Variants in CSF3R observed in about 807,000 individuals in gnomAD.
CSF3R encodes granulocyte colony-stimulating factor receptor.
Under a neutral mutation model 84.4 loss-of-function variants are expected in CSF3R, and 52 were observed. That is an observed-to-expected ratio of 0.62 (90% CI 0.49 to 0.78). The LOEUF (loss-of-function observed/expected upper bound fraction) is 0.78, where lower values mean the gene tolerates loss of function less well. Ranked by LOEUF, CSF3R falls within the 30% of genes least tolerant of loss-of-function variation. The pLI is 0.00. For missense variants in CSF3R, 890 were observed against 1,055.7 expected (o/e 0.84, Z 2.17); for synonymous variants, 384 against 429.1 (o/e 0.89, Z 1.30).
At position 36,467,653 on chromosome 1, in the gene CSF3R, T is replaced by C. The variant is rs1650415378; in HGVS notation, c.1865-2A>G. 1.2e-6 allele frequency: 2 copies of C among 1,613,964 alleles called. No individual in the cohort carries two copies. The highest frequency in any genetic ancestry group is 1.3e-5 in the African/African-American group (1 of 74,910). On this transcript the variant is annotated splice_acceptor_variant, in intron 14 of 16. Transcript: ENST00000373106. LOFTEE classifies it high-confidence loss of function. This position sits in a 1 kb window ranked among gnomAD's most constrained non-coding sequence, Gnocchi z 4.1. ...GGATGATGTGTAGCTCCGACCCCTC[T>C]GCAGTGAGGGCAGGGCCGGAAGAAG...
In CSF3R at chr1:36,482,212, C is replaced by T. The variant is rs3917915; in HGVS notation, c.-81+599G>A. On this transcript the variant is annotated intron_variant, in intron 1 of 16. Coordinates refer to ENST00000373106, the MANE Select transcript of CSF3R (RefSeq NM_000760.4). Reference sequence around the variant, plus strand: ...TGACTGAAATCCACACAGACTGAAACGACAGAGAGACTCGCCAAGAGGACG... The same window carrying T: ...TGACTGAAATCCACACAGACTGAAATGACAGAGAGACTCGCCAAGAGGACG... Among the ~76,000 whole-genome samples, 358 of 150,908 alleles carry T rather than the reference C, an allele frequency of 2.4e-3. 2 individuals are homozygous for T. In the Middle Eastern group the frequency reaches 0.027, roughly 12 times the overall value.
intron 12 of CSF3R, 113 bp downstream of exon 12, chr1:36,469,043 C>A: frequency 1.3e-6 from 1 of 792,476 alleles, no homozygotes; most frequent in South Asian, 1.5e-5. Context: ...CTCTCCAGGG[C>A]TGGAAGTATG....
chr1:36,469,038 C>T, intron 12 of CSF3R, 118 bp downstream of exon 12: 1 of 774,360 alleles, frequency 1.3e-6, no homozygotes, highest in Non-Finnish European at 2.3e-6. Context: ...AGATCCTCTC[C>T]AGGGCTGGAA....
At chr1:36,471,718 G>C in intron 9 of CSF3R, 72 bp from the exon 10 acceptor site, 5 of 1,498,534 alleles carry the variant, frequency 3.3e-6, no homozygotes, top group Non-Finnish European at 4.6e-6. Flanking sequence ...CTCTAGGTGG[G>C]GTGGATGGAT....
chr1:36,479,882 T>C, intron 2 of CSF3R: 1 of 348,482 alleles, frequency 2.9e-6, no homozygotes, highest in South Asian at 2.3e-5. Context: ...AATTGCATGC[T>C]GGTAGTTTAT....
intron 11 of CSF3R, 48 bp from the exon 12 acceptor site, chr1:36,469,305 G>A: frequency 7.0e-7 from 1 of 1,431,682 alleles, no homozygotes; most frequent in Non-Finnish European, 9.9e-7. Context: ...CCTAACCTGT[G>A]CTAATGATCA....
intron 11 of CSF3R, among the ~76,000 whole-genome samples, 168 bp from the exon 12 acceptor site, chr1:36,469,425 AAG>A (rs1196781863): frequency 1.3e-5 from 2 of 152,194 alleles, no homozygotes; most frequent in East Asian, 3.9e-4. Context: ...AGAAAAGTGG[AAG>A]AGAGAGCTAG....
intron 12 of CSF3R, 100 bp from the exon 13 acceptor site, chr1:36,468,321 A>G: frequency 7.7e-7 from 1 of 1,304,596 alleles, no homozygotes; most frequent in East Asian, 2.4e-5. Context: ...GTGGGTGAGA[A>G]AAGAGTCCAA....
chr1:36,472,369 G>C lies in CSF3R; in HGVS notation c.866C>G (p.Ala289Gly), dbSNP rs1557593324. ...GAGCCCGCAGAGCTCATACTGAAGG[G>C]CCTCCAAGGGGAGGGGGCCCACCTG... ...WALVGPLPLEALQYELCGLLP... is the reference protein window; with the variant it reads ...WALVGPLPLEGLQYELCGLLP... The change falls in exon 8 of 17, where the codon GCC (alanine) becomes GGC (glycine). Residue 289 changes from alanine (A) to glycine (G), a missense_variant. Physicochemically the swap from Ala to Gly is moderately conservative, Grantham distance 60. Coordinates refer to ENST00000373106, the MANE Select transcript of CSF3R (RefSeq NM_000760.4). The surrounding 1 kb of genome is among the most constrained non-coding windows in gnomAD (Gnocchi z 5.0). The C allele has an allele frequency of 1.2e-6, 2 of 1,613,974 alleles. No homozygotes were observed. Among genetic ancestry groups the C allele is most frequent in the Non-Finnish European group, 1.7e-6 (2 of 1,180,026 alleles).
rs181280930 is a variant in CSF3R, at chr1:36,472,830, T to C, written c.674-144A>G. 8 of 1,005,398 alleles carry C rather than the reference T, an allele frequency of 8.0e-6. No individual in the cohort carries two copies. In the African/African-American group the frequency reaches 1.3e-4, roughly 16 times the overall value. 62.3% of individuals were successfully genotyped at this position (1,005,398 alleles called of 1,614,324 possible). A position where few individuals can be genotyped will look rare whatever the true frequency, so the allele number is the denominator to read the frequency against. On this transcript the variant is annotated intron_variant, in intron 6 of 16. Coordinates refer to ENST00000373106, the MANE Select transcript of CSF3R (RefSeq NM_000760.4). The surrounding 1 kb of genome is among the most constrained non-coding windows in gnomAD (Gnocchi z 5.0). Reference sequence around the variant, plus strand: ...TCTGTGGTTCGATCTCTATGTGTCTTTGTTTCTCTCTAGGTCTCTGTTTCC... The same window carrying C: ...TCTGTGGTTCGATCTCTATGTGTCTCTGTTTCTCTCTAGGTCTCTGTTTCC...
In CSF3R at chr1:36,466,857, G is replaced by A. The variant is rs3918021; in HGVS notation, c.2041-30C>T. ...ACACAAGGATGTGGGGTGAGAGCAC[G>A]GCTCATTTCAGATGTCTGCCCCAGC... On this transcript the variant is annotated intron_variant, in intron 16 of 16. Coordinates refer to ENST00000373106, the MANE Select transcript of CSF3R (RefSeq NM_000760.4). This position sits in a 1 kb window ranked among gnomAD's most constrained non-coding sequence, Gnocchi z 4.6. 6,132 of 1,614,136 alleles carry A rather than the reference G, an allele frequency of 3.8e-3. 13 individuals are homozygous for A. The highest frequency in any genetic ancestry group is 4.9e-3 in the Non-Finnish European group (5,837 of 1,180,024).
chr1:36,466,798 C>T lies in CSF3R; in HGVS notation c.2070G>A (p.Thr690=), dbSNP rs761286829. 15 of 1,614,066 alleles carry T rather than the reference C, an allele frequency of 9.3e-6. No homozygotes were observed. Among genetic ancestry groups the T allele is most frequent in the African/African-American group, 2.7e-5 (2 of 74,934 alleles). ...GCACTGTGAGCTTGGTGATGGGTGG[C>T]GTGCCAAGGCCGGGCAGCTGGAAGG... ...EDAFQLPGLG[T]PPITKLTVLE... is the part of the protein sequence containing the mutation. The change falls in exon 17 of 17, where the codon ACG becomes ACA. Residue 690 remains threonine (T), a synonymous_variant. Transcript: ENST00000373106. This position sits in a 1 kb window ranked among gnomAD's most constrained non-coding sequence, Gnocchi z 4.6.
rs1650303555 is a variant in CSF3R at position 36,466,293 on chromosome 1, C to A, written c.*64G>T. 6.2e-7 allele frequency: 1 copy of A among 1,611,482 alleles called. No individual in the cohort carries two copies. Among genetic ancestry groups the A allele is most frequent in the Non-Finnish European group, 8.5e-7 (1 of 1,179,370 alleles). ...TTTTAGTCATGGGCTTATGGACCCT[C>A]CCCTCTTCTCCAGCTAGCTCAGGCC... is the stretch of plus-strand genomic sequence containing the variant. On this transcript the variant is annotated 3_prime_UTR_variant, in exon 17 of 17. Coordinates refer to ENST00000373106, the MANE Select transcript of CSF3R (RefSeq NM_000760.4). The surrounding 1 kb of genome is among the most constrained non-coding windows in gnomAD (Gnocchi z 4.6).
chr1:36,480,036 T>C (rs991781279), intron 2 of CSF3R: 4 of 233,256 alleles, frequency 1.7e-5, no homozygotes, highest in Admixed American at 1.0e-4. Flanking sequence ...CAAAGAGCCA[T>C]GTAGAACACT....
intron 1 of CSF3R, among the ~76,000 whole-genome samples, 190 bp downstream of exon 1, chr1:36,482,621 C>A (rs1163085575): frequency 2.0e-5 from 3 of 152,128 alleles, no homozygotes; most frequent in East Asian, 1.9e-4. Context: ...TGGTGCAATA[C>A]CCCCAAAAGT....
chr1:36,482,511 C>G (rs1019955785), intron 1 of CSF3R, among the ~76,000 whole-genome samples: 1 of 152,106 alleles, frequency 6.6e-6, no homozygotes, highest in Non-Finnish European at 1.5e-5. Context: ...CAGACACACA[C>G]GTCCTGAGAG....
In CSF3R at chr1:36,467,965, G is replaced by A; in HGVS notation, c.1724-3C>T. Reference sequence around the variant, plus strand: ...GGAGGAGGCATTCAGGATGGCGGCTGGGAGGGGTGTACGGTCAGCATAGGC... The same window carrying A: ...GGAGGAGGCATTCAGGATGGCGGCTAGGAGGGGTGTACGGTCAGCATAGGC... On this transcript the variant is annotated splice_region_variant and splice_polypyrimidine_tract_variant and intron_variant, in intron 13 of 16. Coordinates refer to ENST00000373106, the MANE Select transcript of CSF3R (RefSeq NM_000760.4). The surrounding 1 kb of genome is among the most constrained non-coding windows in gnomAD (Gnocchi z 4.1). 6.2e-7 allele frequency: 1 copy of A among 1,614,192 alleles called. No homozygotes were observed. The highest frequency in any genetic ancestry group is 8.5e-7 in the Non-Finnish European group (1 of 1,180,042).
Position 36,467,115 on chromosome 1 carries a change from C to T in CSF3R, c.2040+115G>A, listed in dbSNP as rs1034167480. On this transcript the variant is annotated intron_variant, in intron 16 of 16. Transcript: ENST00000373106. The surrounding 1 kb of genome is among the most constrained non-coding windows in gnomAD (Gnocchi z 4.1). ...TTGGGTCTGCTTCAGTCCAAAGGGA[C>T]GAGATGTTGCCGGAAGTGACAGGAA... The T allele has an allele frequency of 2.0e-5, 27 of 1,322,146 alleles. No homozygotes were observed. The highest frequency in any genetic ancestry group is 1.8e-4 in the South Asian group (15 of 83,120). The allele number at this position is 1,322,146 out of a possible 1,614,324, so 81.9% of individuals were successfully genotyped here. A position where few individuals can be genotyped will look rare whatever the true frequency, so the allele number is the denominator to read the frequency against.
chr1:36,467,877 G>A lies in CSF3R; in HGVS notation c.1809C>T (p.Ala603=), dbSNP rs903126687. ...ASLYHIHLMA[A]SQAGATNSTV... ...TACTGTTGGTGGCCCCAGCCTGGCT[G>A]GCAGCCATGAGGTGGATGTGATACA... The change falls in exon 14 of 17, where the codon GCC becomes GCT. Residue 603 remains alanine (A), a synonymous_variant. Transcript: ENST00000373106. This position sits in a 1 kb window ranked among gnomAD's most constrained non-coding sequence, Gnocchi z 4.1. 6.2e-7 allele frequency: 1 copy of A among 1,614,148 alleles called. No individual in the cohort carries two copies. Among genetic ancestry groups the A allele is most frequent in the African/African-American group, 1.3e-5 (1 of 74,944 alleles).
Sources: allele counts gnomAD v4.1 joint callset (sites outside exome capture counted in the v4.1 genomes callset), GRCh38; gene constraint gnomAD v4.1.1; non-coding constraint Gnocchi (gnomAD v3.1); transcripts MANE v1.5; gene names NCBI Gene and HGNC (gene_info 2026-07-23, HGNC 2026-07-21).